The following TNNI3 variants were observed in gnomAD, a reference collection of about 807,000 sequenced individuals.
TNNI3 encodes the protein troponin I3, cardiac type.
TNNI3 carries 23 observed loss-of-function variants against 31.5 expected under a neutral mutation model. The observed-to-expected ratio is 0.73, with a 90% CI of 0.52 to 1.03. The LOEUF is 1.03. TNNI3 is among the 50% of genes least tolerant of loss of function. The probability of loss-of-function intolerance (pLI) is 0.00; values close to 1 mark genes in which losing one functional copy is unlikely to be tolerated. For synonymous variants in TNNI3, 120 were observed against 111.7 expected, an observed-to-expected ratio of 1.07 and a Z score of -0.47; for missense variants, 236 against 282.9, an observed-to-expected ratio of 0.83 and a Z score of 1.19.
chr19:55,154,401 A>G, intron 6 of TNNI3, 195 bp from the exon 7 acceptor site: 2 of 653,410 alleles, frequency 3.1e-6, no homozygotes, highest in South Asian at 1.8e-5. Flanking sequence ...CTCCAGCCTC[A>G]CCTCTCAAAA....
chr19:55,156,365 C>T lies in TNNI3; in HGVS notation c.151-33G>A. The T allele has an allele frequency of 6.3e-7, 1 of 1,597,422 alleles. No individual in the cohort carries two copies. The highest frequency in any genetic ancestry group is 8.5e-7 in the Non-Finnish European group (1 of 1,172,620). On this transcript the variant is annotated intron_variant, in intron 4 of 7. Transcript: ENST00000344887. This position sits in a 1 kb window ranked among gnomAD's most constrained non-coding sequence, Gnocchi z 4.6. ...GGGGTGGGAGGGAAGCGCAGCCCAC[C>T]CGGGGCTTCAGGATAAAGACCAGGC...
chr19:55,156,207 C>T lies in TNNI3; in HGVS notation c.276G>A (p.Glu92=), dbSNP rs1407023193. Reference sequence around the variant, plus strand: ...CATCCTTGGGAGCCGGTACCTGCAGCTCCGCGAAGCCCAGCCCGGCCAACT... The same window carrying T: ...CATCCTTGGGAGCCGGTACCTGCAGTTCCGCGAAGCCCAGCCCGGCCAACT... The part of the protein sequence containing the change: ...PLELAGLGFA[E]LQDLCRQLHA... The change falls in exon 5 of 8, where the codon GAG becomes GAA. Residue 92 remains glutamate, a synonymous_variant. Transcript: ENST00000344887. The surrounding 1 kb of genome is among the most constrained non-coding windows in gnomAD (Gnocchi z 4.6). 8.1e-6 allele frequency: 13 copies of T among 1,612,664 alleles called. No homozygotes were observed. Among genetic ancestry groups the T allele is most frequent in the Admixed American group, 1.7e-5 (1 of 59,978 alleles).
At chr19:55,154,531 C>T (rs2085714873) in intron 6 of TNNI3, 10 of 646,938 alleles carry the variant, frequency 1.5e-5, no homozygotes, top group East Asian at 2.7e-5. Context: ...GTTTCCCAAC[C>T]CATGGCCTTG....
Position 55,156,600 on chromosome 19 carries a change from C to T in TNNI3, c.150+3G>A, listed in dbSNP as rs1367406146. On this transcript the variant is annotated splice_donor_region_variant and intron_variant, in intron 4 of 7. Transcript: ENST00000344887. The surrounding 1 kb of genome is among the most constrained non-coding windows in gnomAD (Gnocchi z 4.6). ...GCTCTTTCCCAGTCCCGCCCGTCCT[C>T]ACCTTCAGCTGCAATTTTCTCGAGG... 6.4e-7 allele frequency: 1 copy of T among 1,562,636 alleles called. No homozygotes were observed. Among genetic ancestry groups the T allele is most frequent in the Non-Finnish European group, 8.7e-7 (1 of 1,151,918 alleles).
In TNNI3 at chr19:55,156,425, G is replaced by A. The variant is rs1171101000; in HGVS notation, c.151-93C>T. On this transcript the variant is annotated intron_variant, in intron 4 of 7. Coordinates refer to ENST00000344887, the MANE Select transcript of TNNI3 (RefSeq NM_000363.5). This position sits in a 1 kb window ranked among gnomAD's most constrained non-coding sequence, Gnocchi z 4.6. ...CGCCTCTGCCCTTCTAAACCCTCCAGTTTGGTCTCCACTGTTCCAAGGCCC... is the reference window on the plus strand; with the variant it reads ...CGCCTCTGCCCTTCTAAACCCTCCAATTTGGTCTCCACTGTTCCAAGGCCC... The A allele has an allele frequency of 5.9e-6, 9 of 1,528,350 alleles. No individual in the cohort carries two copies. Among genetic ancestry groups the A allele is most frequent in the South Asian group, 1.2e-5 (1 of 83,666 alleles). The allele number at this position is 1,528,350 out of a possible 1,614,324, so 94.7% of individuals were successfully genotyped here. A position where few individuals can be genotyped will look rare whatever the true frequency, so the allele number is the denominator to read the frequency against.
Position 55,154,480 on chromosome 19 carries a change from C to T in TNNI3, c.372+261G>A, listed in dbSNP as rs890206842. ...CTGGCCAGTGCCTGAGCTAATTTAC[C>T]AACATGTGATGCCCTGAGCATGTTC... On this transcript the variant is annotated intron_variant, in intron 6 of 7. Transcript: ENST00000344887. 6.4e-6 allele frequency: 4 copies of T among 620,910 alleles called. No homozygotes were observed. The African/African-American group carries it at 7.3e-5, about 11-fold the overall frequency. The allele number at this position is 620,910 out of a possible 1,614,324, so 38.5% of individuals were successfully genotyped here. A position where few individuals can be genotyped will look rare whatever the true frequency, so the allele number is the denominator to read the frequency against.
chr19:55,153,961 G>GCTAGGC lies in TNNI3; in HGVS notation c.549+68_549+69insGCCTAG, dbSNP rs139158921. ...AACTCCAAGCACCATCTGCCCTCAG[G>GCTAGGC]CCTAGGGTTGTTGGCACCCACAGCC... is the stretch of plus-strand genomic sequence containing the variant. On this transcript the variant is annotated intron_variant, in intron 7 of 7. Transcript: ENST00000344887. The GCTAGGC allele has an allele frequency of 5.5e-3, 8,620 of 1,579,214 alleles. 381 individuals are homozygous for GCTAGGC. In the African/African-American group the frequency reaches 0.1, roughly 19 times the overall value.
chr19:55,153,495 C>A (rs971435275), intron 7 of TNNI3, among the ~76,000 whole-genome samples: 1 of 151,982 alleles, frequency 6.6e-6, no homozygotes, highest in Non-Finnish European at 1.5e-5. Flanking sequence ...CTGCCTCAGC[C>A]TCCTGAGAAG....
rs1300783474 is a variant in TNNI3 at position 55,156,070 on chromosome 19, G to C, written c.282+131C>G. On this transcript the variant is annotated intron_variant, in intron 5 of 7. Coordinates refer to ENST00000344887, the MANE Select transcript of TNNI3 (RefSeq NM_000363.5). The surrounding 1 kb of genome is among the most constrained non-coding windows in gnomAD (Gnocchi z 4.6). ...GCACACAAAGGGTGTTAGGGGCCAG[G>C]AGTCCCACGAACCATATATAATTGG... 7.3e-7 allele frequency: 1 copy of C among 1,375,186 alleles called. No homozygotes were observed. Among genetic ancestry groups the C allele is most frequent in the South Asian group, 1.2e-5 (1 of 83,446 alleles). The allele number at this position is 1,375,186 out of a possible 1,614,324, so 85.2% of individuals were successfully genotyped here.
Position 55,154,072 on chromosome 19 carries a change from C to T in TNNI3, c.507G>A (p.Leu169=), listed in dbSNP as rs1300788615. 3 of 1,612,888 alleles carry T rather than the reference C, an allele frequency of 1.9e-6. No homozygotes were observed. The highest frequency in any genetic ancestry group is 2.5e-6 in the Non-Finnish European group (3 of 1,179,996). Reference sequence around the variant, plus strand: ...TCTTCACCTGCTTGAGGTGGGCCCGCAGGTCCAGGGACTCCTTAGCCCGGG... The same window carrying T: ...TCTTCACCTGCTTGAGGTGGGCCCGTAGGTCCAGGGACTCCTTAGCCCGGG... The part of the protein sequence containing the change: ...LGARAKESLD[L]RAHLKQVKKE... The change falls in exon 7 of 8, where the codon CTG becomes CTA. Residue 169 remains leucine, a synonymous_variant. Transcript: ENST00000344887.
Position 55,157,028 on chromosome 19 carries a change from C to T in TNNI3, c.108+22G>A. 1 of 1,569,930 alleles carries T rather than the reference C, an allele frequency of 6.4e-7. No individual in the cohort carries two copies. On this transcript the variant is annotated intron_variant, in intron 3 of 7. Coordinates refer to ENST00000344887, the MANE Select transcript of TNNI3 (RefSeq NM_000363.5). This position sits in a 1 kb window ranked among gnomAD's most constrained non-coding sequence, Gnocchi z 6.3. ...GGATCCCTCCGGCGCCTGTACTCTG[C>T]CCCCAGGAAGCCCCGTCCCACCTTG... is the stretch of plus-strand genomic sequence containing the variant.
rs757183182 is a variant in TNNI3, at chr19:55,157,619, G to A, written c.-30C>T. The A allele has an allele frequency of 2.9e-5, 47 of 1,613,990 alleles. No homozygotes were observed. The highest frequency in any genetic ancestry group is 3.0e-5 in the Non-Finnish European group (35 of 1,179,926). On this transcript the variant is annotated 5_prime_UTR_variant, in exon 1 of 8. Transcript: ENST00000344887. This position sits in a 1 kb window ranked among gnomAD's most constrained non-coding sequence, Gnocchi z 6.3. Reference sequence around the variant, plus strand: ...AGACTCAGGCCGGGAATGGCAGGAGGCAGGGCGAGGACAGGGGCGTTTGGA... The same window carrying A: ...AGACTCAGGCCGGGAATGGCAGGAGACAGGGCGAGGACAGGGGCGTTTGGA...
In TNNI3 at chr19:55,157,270, G is replaced by T; in HGVS notation, c.24+26C>A. The T allele has an allele frequency of 6.2e-7, 1 of 1,611,888 alleles. No homozygotes were observed. The highest frequency in any genetic ancestry group is 1.3e-5 in the African/African-American group (1 of 74,956). ...GCCCACCCTGGCCCTGGGGGTCCCA[G>T]CCACGCCTTAGCCCGCTGCTCTCAC... On this transcript the variant is annotated intron_variant, in intron 2 of 7. Coordinates refer to ENST00000344887, the MANE Select transcript of TNNI3 (RefSeq NM_000363.5). This position sits in a 1 kb window ranked among gnomAD's most constrained non-coding sequence, Gnocchi z 6.3.
In TNNI3 at chr19:55,156,149, C is replaced by T; in HGVS notation, c.282+52G>A. The T allele has an allele frequency of 6.2e-7, 1 of 1,612,446 alleles. No homozygotes were observed. ...TCCCGAGCAGAAGAGGGGATAGAGG[C>T]TGTACTGCTGAATTCCGGGACTAGA... On this transcript the variant is annotated intron_variant, in intron 5 of 7. Coordinates refer to ENST00000344887, the MANE Select transcript of TNNI3 (RefSeq NM_000363.5). The surrounding 1 kb of genome is among the most constrained non-coding windows in gnomAD (Gnocchi z 4.6).
In TNNI3 at chr19:55,154,767, C is replaced by T. The variant is rs2085716374; in HGVS notation, c.346G>A (p.Ala116Thr). Residue 116 changes from alanine (A) to threonine (T), a missense_variant, in exon 6 of 8, where the codon GCA becomes ACA. Around this residue, in one of 4 missense-constraint regions of TNNI3, gnomAD observed 172 missense variants for 171.8 expected, o/e 1.00. Coordinates refer to ENST00000344887, the MANE Select transcript of TNNI3 (RefSeq NM_000363.5). Reference sequence around the variant, plus strand: ...TCCGTGATGTTCTTGGTGACTTTTGCCTCTATGTCGTATCTCTCTTCATCC... The same window carrying T: ...TCCGTGATGTTCTTGGTGACTTTTGTCTCTATGTCGTATCTCTCTTCATCC... Reference protein sequence around the residue: ...KVDEERYDIEAKVTKNITEIA... With the variant: ...KVDEERYDIETKVTKNITEIA... The T allele has an allele frequency of 1.2e-6, 2 of 1,614,214 alleles. No individual in the cohort carries two copies. Among genetic ancestry groups the T allele is most frequent in the South Asian group, 2.2e-5 (2 of 91,084 alleles).
Position 55,151,919 on chromosome 19 carries a change from T to G in TNNI3, c.550-2A>C. 6.2e-7 allele frequency: 1 copy of G among 1,613,878 alleles called. No individual in the cohort carries two copies. Among genetic ancestry groups the G allele is most frequent in the Non-Finnish European group, 8.5e-7 (1 of 1,179,814 alleles). On this transcript the variant is annotated splice_acceptor_variant, in intron 7 of 7. Coordinates refer to ENST00000344887, the MANE Select transcript of TNNI3 (RefSeq NM_000363.5). LOFTEE classifies it high-confidence loss of function. ...CCAGTCTCCCACCTCCCGGTTTTCC[T>G]GGAGGATGGCGATGAGTCAGAGGTT...
In TNNI3 at chr19:55,156,344, T is replaced by G. The variant is rs2085729835; in HGVS notation, c.151-12A>C. On this transcript the variant is annotated splice_polypyrimidine_tract_variant and intron_variant, in intron 4 of 7. Transcript: ENST00000344887. The surrounding 1 kb of genome is among the most constrained non-coding windows in gnomAD (Gnocchi z 4.6). ...TGCAGCAGCAGAGTCTGCAGAGGGG[T>G]GGGAGGGAAGCGCAGCCCACCCGGG... is the stretch of plus-strand genomic sequence containing the variant. The G allele has an allele frequency of 6.2e-7, 1 of 1,605,762 alleles. No homozygotes were observed. The highest frequency in any genetic ancestry group is 1.1e-5 in the South Asian group (1 of 90,100).
chr19:55,157,187 AC>A lies in TNNI3; in HGVS notation c.25-55del, dbSNP rs1430449390. On this transcript the variant is annotated intron_variant, in intron 2 of 7. Transcript: ENST00000344887. The surrounding 1 kb of genome is among the most constrained non-coding windows in gnomAD (Gnocchi z 6.3). ...ACCACCAAGACCCCACCCAGCCCTT[AC>A]CGTACCGCACCCTCTGCTAGGGCTG... 55 of 1,588,898 alleles carry A rather than the reference AC, an allele frequency of 3.5e-5. No individual in the cohort carries two copies. In the African/African-American group the frequency reaches 6.6e-4, roughly 19 times the overall value.
In TNNI3 at chr19:55,157,224, C is replaced by T; in HGVS notation, c.24+72G>A. The T allele has an allele frequency of 6.2e-7, 1 of 1,602,714 alleles. No homozygotes were observed. Among genetic ancestry groups the T allele is most frequent in the Non-Finnish European group, 8.5e-7 (1 of 1,175,352 alleles). ...CCTCTGCTAGGGCTGCAGCCTCCCG[C>T]CCCAGACCCCTCACTGCAGCGCCCA... On this transcript the variant is annotated intron_variant, in intron 2 of 7. Coordinates refer to ENST00000344887, the MANE Select transcript of TNNI3 (RefSeq NM_000363.5). The surrounding 1 kb of genome is among the most constrained non-coding windows in gnomAD (Gnocchi z 6.3).
Sources: gnomAD v4.1 joint callset for allele counts (sites outside exome capture counted in the v4.1 genomes callset) on GRCh38, gnomAD v4.1.1 for gene constraint, gnomAD v4.1.1 regional missense constraint, Gnocchi (gnomAD v3.1) non-coding constraint, MANE v1.5 for transcripts, NCBI Gene and HGNC (gene_info 2026-07-23, HGNC 2026-07-21) for gene names.